Variants in CEP85L observed in about 807,000 individuals in gnomAD.
CEP85L encodes the protein centrosomal protein of 85 kDa-like.
In CEP85L, 60 loss-of-function variants were observed where a neutral mutation model predicts 100.3. The observed-to-expected ratio is 0.60, with a 90% CI of 0.49 to 0.74. The LOEUF is 0.74. CEP85L is among the 30% of genes least tolerant of loss of function. CEP85L has a pLI of 0.00. For synonymous variants in CEP85L, 319 were observed against 322.7 expected (o/e 0.99, Z 0.12); for missense variants, 973 against 936.2 (o/e 1.04, Z -0.51).
chr6:118,681,141 A>G (rs1776644808), intron 1 of CEP85L, among the ~76,000 whole-genome samples: 1 of 152,258 alleles, frequency 6.6e-6, no homozygotes, highest in African/African-American at 2.4e-5. Context: ...AACATAGAAA[A>G]GTACAGTTTT....
intron 3 of CEP85L, among the ~76,000 whole-genome samples, chr6:118,561,291 G>C (rs1480358748): frequency 6.6e-6 from 1 of 152,158 alleles, no homozygotes; most frequent in Non-Finnish European, 1.5e-5. Context: ...TTAAAAACAA[G>C]TGGAAAATTT....
intron 3 of CEP85L, among the ~76,000 whole-genome samples, chr6:118,564,600 T>C (rs954490301): frequency 2.6e-5 from 4 of 152,214 alleles, no homozygotes; most frequent in African/African-American, 7.2e-5. Flanking sequence ...TTTGAGATCA[T>C]ACTCATATTT....
chr6:118,652,464 A>C, upstream of CEP85L: 2 of 1,265,658 alleles, frequency 1.6e-6, no homozygotes, highest in Non-Finnish European at 2.0e-6. Context: ...CGTATAAAAA[A>C]TTCTGGGCCA....
At chr6:118,537,777 A>G in intron 3 of CEP85L, 1 of 985,336 alleles carries the variant, frequency 1.0e-6, no homozygotes, top group South Asian at 4.7e-5. Flanking sequence ...ACTGGAATAC[A>G]ACCTCTGCAA....
At chr6:118,693,554 C>T (rs1198587596) in intron 1 of CEP85L, among the ~76,000 whole-genome samples, 1 of 152,154 alleles carries the variant, frequency 6.6e-6, no homozygotes, top group Non-Finnish European at 1.5e-5. Flanking sequence ...TCACTGCAAA[C>T]AATACAAATG....
In CEP85L at chr6:118,511,307, A is replaced by T; in HGVS notation, c.1248T>A (p.Ala416=). The T allele has an allele frequency of 6.2e-7, 1 of 1,606,042 alleles. No individual in the cohort carries two copies. Among genetic ancestry groups the T allele is most frequent in the Non-Finnish European group, 8.5e-7 (1 of 1,173,120 alleles). The change falls in exon 5 of 13, where the codon GCT becomes GCA. Residue 416 remains alanine, a synonymous_variant. Transcript: ENST00000368491. ...TCCTCTGTAATCTTACCTGCAAACTAGCCACATAAGAATCCTCACAATTTA... is the reference window on the plus strand; with the variant it reads ...TCCTCTGTAATCTTACCTGCAAACTTGCCACATAAGAATCCTCACAATTTA... ...HYVNCEDSYV[A]SLQPQYENTS...
chr6:118,562,456 T>TA (rs1466498137), intron 3 of CEP85L, among the ~76,000 whole-genome samples: 2 of 152,108 alleles, frequency 1.3e-5, no homozygotes, highest in Non-Finnish European at 2.9e-5. Flanking sequence ...CTTGAACTCT[T>TA]GGGGTGCAAA....
rs745653009 is a variant in CEP85L, at chr6:118,465,082, A to G, written c.*323T>C. On this transcript the variant is annotated 3_prime_UTR_variant, in exon 13 of 13. Transcript: ENST00000368491. ...CATGCACACACAAACACACAAAGCT[A>G]TAGGATTAAAAGGAATCCTACTCCT... 1.3e-5 allele frequency: 3 copies of G among 231,238 alleles called. No homozygotes were observed. The highest frequency in any genetic ancestry group is 4.6e-5 in the African/African-American group (2 of 43,314). 14.3% of individuals were successfully genotyped at this position (231,238 alleles called of 1,614,324 possible). A position where few individuals can be genotyped will look rare whatever the true frequency, so the allele number is the denominator to read the frequency against.
chr6:118,479,365 C>G (rs1773614441), intron 10 of CEP85L, among the ~76,000 whole-genome samples: 1 of 152,062 alleles, frequency 6.6e-6, no homozygotes, highest in African/African-American at 2.4e-5. Flanking sequence ...TCCTGCACTC[C>G]AGGCTAACAG....
At chr6:118,509,481 G>A (rs532039129) in intron 5 of CEP85L, among the ~76,000 whole-genome samples, 2 of 152,156 alleles carry the variant, frequency 1.3e-5, no homozygotes, top group South Asian at 2.1e-4. Flanking sequence ...ATTATAACAT[G>A]ATGTATTCAT....
intron 1 of CEP85L, among the ~76,000 whole-genome samples, chr6:118,667,997 A>G (rs935319966): frequency 1.3e-5 from 2 of 152,214 alleles, no homozygotes; most frequent in African/African-American, 4.8e-5. Context: ...GGCTGAGCAA[A>G]TATCTCCCCA....
chr6:118,612,401 T>G (rs949766426), intron 2 of CEP85L, among the ~76,000 whole-genome samples: 11 of 151,490 alleles, frequency 7.3e-5, no homozygotes, highest in African/African-American at 2.7e-4. Context: ...CTCACACCTA[T>G]AATCCCGGCA....
At chr6:118,607,071 A>T (rs1772274313) in intron 2 of CEP85L, among the ~76,000 whole-genome samples, 1 of 150,306 alleles carries the variant, frequency 6.7e-6, no homozygotes, top group South Asian at 2.1e-4. Flanking sequence ...ATAAAGGAAA[A>T]TTTTTTTTTT....
At chr6:118,551,297 C>T (rs1778528691) in intron 3 of CEP85L, among the ~76,000 whole-genome samples, 1 of 151,686 alleles carries the variant, frequency 6.6e-6, no homozygotes, top group South Asian at 2.1e-4. Context: ...TGAAAAGGTA[C>T]TCCATCTTTA....
intron 3 of CEP85L, among the ~76,000 whole-genome samples, chr6:118,564,322 G>A (rs144319510): frequency 6.6e-6 from 1 of 152,316 alleles, no homozygotes; most frequent in African/African-American, 2.4e-5. Context: ...ACCAGCTGGA[G>A]AAACAACTGC....
At chr6:118,627,307 T>C (rs1316413390) in intron 2 of CEP85L, among the ~76,000 whole-genome samples, 9 of 150,922 alleles carry the variant, frequency 6.0e-5, no homozygotes, top group Non-Finnish European at 4.4e-5. Context: ...AAAATAAGCA[T>C]ATGAAAAACT....
In CEP85L at chr6:118,470,613, A is replaced by C; in HGVS notation, c.1946T>G (p.Leu649Arg). The change falls in exon 11 of 13, where the codon CTG becomes CGG. Residue 649 changes from leucine (L) to arginine (R), a missense_variant. Leu to Arg is a moderately radical substitution (Grantham distance 102, BLOSUM62 -2). Around this residue, in one of 3 missense-constraint regions of CEP85L, gnomAD observed 890 missense variants for 844.5 expected, o/e 1.05. Transcript: ENST00000368491. ...SMQGKLSKEK[L>R]TTQKMMEELE... is the part of the protein sequence containing the mutation. ...CTCTTCCATCATCTTTTGAGTGGTC[A>C]GTTTCTCTTTAGAAAGCTTTCCTTG... 6.2e-7 allele frequency: 1 copy of C among 1,605,332 alleles called. No homozygotes were observed.
intron 5 of CEP85L, among the ~76,000 whole-genome samples, chr6:118,497,394 C>T: frequency 6.6e-6 from 1 of 152,098 alleles, no homozygotes. Flanking sequence ...CACTGACTCC[C>T]AACACTCCCA....
chr6:118,619,498 G>A (rs1773297438), intron 2 of CEP85L, among the ~76,000 whole-genome samples: 1 of 152,072 alleles, frequency 6.6e-6, no homozygotes. Flanking sequence ...TCCATACTCA[G>A]GGCCTCCTTC....
Sources: gnomAD v4.1 joint callset for allele counts (sites outside exome capture counted in the v4.1 genomes callset) on GRCh38, gnomAD v4.1.1 for gene constraint, gnomAD v4.1.1 regional missense constraint, MANE v1.5 for transcripts, NCBI Gene and HGNC (gene_info 2026-07-23, HGNC 2026-07-21) for gene names.